Variants in HELZ observed in about 807,000 individuals in gnomAD.
The protein encoded by HELZ is helicase with zinc finger, also known as ATP-dependent RNA helicase with zinc finger domain.
Under a neutral mutation model 218.2 loss-of-function variants are expected in HELZ, and 23 were observed. The observed-to-expected ratio is 0.11, with a 90% CI of 0.08 to 0.15. The LOEUF is 0.15. Ranked by LOEUF, HELZ falls within the 10% of genes least tolerant of loss-of-function variation. The pLI is 1.00. For missense variants in HELZ, 1,813 were observed against 2,353.7 expected (o/e 0.77, Z 4.75); for synonymous variants, 814 against 829.4 (o/e 0.98, Z 0.32).
At chr17:67,094,292 C>A (rs151245161) in intron 31 of HELZ, among the ~76,000 whole-genome samples, 2 of 148,202 alleles carry the variant, frequency 1.3e-5, no homozygotes, top group Non-Finnish European at 3.0e-5. Context: ...CTGCACCTTG[C>A]GCCTGGGTGA....
chr17:67,158,118 G>C (rs2111042), intron 17 of HELZ, among the ~76,000 whole-genome samples: 45,544 of 152,092 alleles, frequency 0.3, 7,920 homozygotes, highest in East Asian at 0.69. Context: ...TAACCATGAA[G>C]TATGTATATT....
At chr17:67,241,605 T>C (rs1264560636) in intron 2 of HELZ, among the ~76,000 whole-genome samples, 2 of 152,216 alleles carry the variant, frequency 1.3e-5, no homozygotes. Flanking sequence ...CAGTGAAAAC[T>C]GGACAGTCTA....
intron 3 of HELZ, among the ~76,000 whole-genome samples, chr17:67,226,374 T>C (rs2040893090): frequency 6.6e-6 from 1 of 150,510 alleles, no homozygotes; most frequent in South Asian, 2.1e-4. Flanking sequence ...AAACAGGATA[T>C]AATGATAACA....
intron 12 of HELZ, chr17:67,179,784 A>G (rs929593165): frequency 3.9e-5 from 6 of 152,334 alleles, no homozygotes; most frequent in African/African-American, 1.4e-4. Flanking sequence ...ACATTACACC[A>G]AGACTTTGAC....
intron 12 of HELZ, among the ~76,000 whole-genome samples, chr17:67,181,370 C>T (rs556573940): frequency 3.9e-5 from 6 of 152,216 alleles, no homozygotes; most frequent in African/African-American, 1.2e-4. Context: ...ATGCAGAAAG[C>T]TTTTCTACTC....
intron 28 of HELZ, among the ~76,000 whole-genome samples, chr17:67,111,516 A>C (rs569585435): frequency 6.2e-4 from 94 of 152,236 alleles, no homozygotes; most frequent in African/African-American, 2.2e-3. Context: ...ACTCCCCAAA[A>C]ACAGAACAAG....
intron 23 of HELZ, among the ~76,000 whole-genome samples, chr17:67,134,178 G>A (rs2038073470): frequency 6.6e-6 from 1 of 152,178 alleles, no homozygotes; most frequent in African/African-American, 2.4e-5. Flanking sequence ...GAGGTCCGGA[G>A]TTTGAGACCA....
At position 67,178,736 on chromosome 17, in the gene HELZ, C is replaced by A; in HGVS notation, c.1353G>T (p.Leu451Phe). 1 of 1,613,822 alleles carries A rather than the reference C, an allele frequency of 6.2e-7. No homozygotes were observed. The highest frequency in any genetic ancestry group is 1.1e-5 in the South Asian group (1 of 91,054). The change falls in exon 13 of 33, where the codon TTG becomes TTT. Residue 451 changes from leucine to phenylalanine, a missense_variant. Around this residue, in one of 4 missense-constraint regions of HELZ, gnomAD observed 714 missense variants for 1,029.2 expected, o/e 0.69. Coordinates refer to ENST00000358691, the MANE Select transcript of HELZ (RefSeq NM_014877.4). ...LFTQSVLDKSLTKSNYQSRLH... is the reference protein window; with the variant it reads ...LFTQSVLDKSFTKSNYQSRLH... The stretch of plus-strand genomic sequence containing the variant: ...ACCGTGACTGATAGTTGCTCTTGGT[C>A]AATGATTTGTCTAAAACGGACTGAG...
chr17:67,206,662 G>A (rs1052582564), intron 5 of HELZ, among the ~76,000 whole-genome samples: 2 of 150,176 alleles, frequency 1.3e-5, no homozygotes, highest in African/African-American at 2.5e-5. Context: ...GGAATGGCGC[G>A]ATCTTGGCTC....
chr17:67,214,525 C>T (rs1335634436), intron 5 of HELZ, among the ~76,000 whole-genome samples: 1 of 151,826 alleles, frequency 6.6e-6, no homozygotes, highest in Admixed American at 6.6e-5. Flanking sequence ...CTCGGCCTCC[C>T]CAAGTGCTGG....
chr17:67,087,651 A>G (rs2036434398), intron 31 of HELZ, among the ~76,000 whole-genome samples: 1 of 152,194 alleles, frequency 6.6e-6, no homozygotes, highest in Non-Finnish European at 1.5e-5. Context: ...ACTCCACTGC[A>G]TTTCTTTTAG....
At chr17:67,165,973 A>C (rs12453574) in intron 15 of HELZ, among the ~76,000 whole-genome samples, 1 of 151,874 alleles carries the variant, frequency 6.6e-6, no homozygotes, top group Non-Finnish European at 1.5e-5. Context: ...TCTACAAAAA[A>C]AAATTTTTTT....
Position 67,203,393 on chromosome 17 carries a change from A to G in HELZ, c.298T>C (p.Cys100Arg). 6.2e-7 allele frequency: 1 copy of G among 1,614,188 alleles called. No homozygotes were observed. Among genetic ancestry groups the G allele is most frequent in the South Asian group, 1.1e-5 (1 of 91,088 alleles). Residue 100 changes from cysteine to arginine, a missense_variant, in exon 6 of 33, where the codon TGC becomes CGC. Around this residue, in one of 4 missense-constraint regions of HELZ, gnomAD observed 714 missense variants for 1,029.2 expected, o/e 0.69. Coordinates refer to ENST00000358691, the MANE Select transcript of HELZ (RefSeq NM_014877.4). ...AGCTTCCCTTTCAGCTGCATGCAGC[A>G]AAGCACTGCCCGAAAGGCATCTTCT... ...KGEDAFRAVL[C>R]CMQLKGKLQP... is the part of the protein sequence containing the mutation.
chr17:67,128,819 T>A lies in HELZ; in HGVS notation c.3219A>T (p.Glu1073Asp), dbSNP rs759313954. 1 of 1,614,012 alleles carries A rather than the reference T, an allele frequency of 6.2e-7. No homozygotes were observed. Among genetic ancestry groups the A allele is most frequent in the Non-Finnish European group, 8.5e-7 (1 of 1,180,004 alleles). Residue 1073 changes from glutamate (E) to aspartate (D), a missense_variant, in exon 24 of 33, where the codon GAA becomes GAT. Glu to Asp is a conservative substitution (Grantham distance 45). Transcript: ENST00000358691. ...FWERFIALCH[E>D]NSSLHGITFE... ...AAGTGATTCCATGTAGGCTACTGTT[T>A]TCATGACACAGGGCAATAAACCGTT...
At chr17:67,226,098 A>C (rs1246896989) in intron 3 of HELZ, among the ~76,000 whole-genome samples, 5 of 151,852 alleles carry the variant, frequency 3.3e-5, no homozygotes, top group Non-Finnish European at 7.4e-5. Context: ...CATCTTTCCT[A>C]AAAATACAAA....
intron 13 of HELZ, among the ~76,000 whole-genome samples, chr17:67,170,142 G>T (rs73343163): frequency 6.6e-6 from 1 of 152,110 alleles, no homozygotes; most frequent in Non-Finnish European, 1.5e-5. Context: ...TTTCCCAGAC[G>T]AGAGCTGCAT....
chr17:67,151,575 C>A (rs914329729), intron 17 of HELZ, among the ~76,000 whole-genome samples: 1 of 152,172 alleles, frequency 6.6e-6, no homozygotes, highest in Non-Finnish European at 1.5e-5. Context: ...CTGGAATTAT[C>A]TTTTTCTAGA....
At chr17:67,078,920 C>T (rs2036100045) in intron 32 of HELZ, among the ~76,000 whole-genome samples, 1 of 152,226 alleles carries the variant, frequency 6.6e-6, no homozygotes, top group Non-Finnish European at 1.5e-5. Context: ...AGTTTGTAAA[C>T]AGGCACATGC....
At position 67,122,959 on chromosome 17, in the gene HELZ, T is replaced by C. The variant is rs761220519; in HGVS notation, c.3630+11A>G. The C allele has an allele frequency of 6.4e-7, 1 of 1,571,250 alleles. No individual in the cohort carries two copies. Among genetic ancestry groups the C allele is most frequent in the Non-Finnish European group, 8.7e-7 (1 of 1,145,704 alleles). The stretch of plus-strand genomic sequence containing the variant: ...TTGATTCAATAGAAAGTATTTCGAA[T>C]GTCCACTTACAGGTAAAGGCACCGA... On this transcript the variant is annotated intron_variant, in intron 26 of 32. Coordinates refer to ENST00000358691, the MANE Select transcript of HELZ (RefSeq NM_014877.4).
Sources: gnomAD v4.1 joint callset for allele counts (sites outside exome capture counted in the v4.1 genomes callset) on GRCh38, gnomAD v4.1.1 for gene constraint, gnomAD v4.1.1 regional missense constraint, MANE v1.5 for transcripts, NCBI Gene and HGNC (gene_info 2026-07-23, HGNC 2026-07-21) for gene names.